The following DLG2 variants were observed in gnomAD, a reference collection of about 807,000 sequenced individuals.
The protein encoded by DLG2 is disks large homolog 2.
Under a neutral mutation model 132.5 loss-of-function variants are expected in DLG2, and 45 were observed. That is an observed-to-expected ratio of 0.34 (90% CI 0.27 to 0.44). The LOEUF (loss-of-function observed/expected upper bound fraction) is 0.44. Among genes scored for constraint, DLG2 ranks in the 20% least tolerant of loss-of-function variants. DLG2 has a pLI of 1.00. For synonymous variants in DLG2, 424 were observed against 419.6 expected (o/e 1.01, Z -0.13); for missense variants, 1,045 against 1,196.9 (o/e 0.87, Z 1.87).
At chr11:83,972,377 CTCTG>C (rs1199469012) in intron 12 of DLG2, among the ~76,000 whole-genome samples, 1 of 152,096 alleles carries the variant, frequency 6.6e-6, no homozygotes, top group Non-Finnish European at 1.5e-5. Flanking sequence ...GTTGAAAAGA[CTCTG>C]TATGATATAA....
chr11:83,808,900 T>G, intron 17 of DLG2, among the ~76,000 whole-genome samples: 1 of 152,090 alleles, frequency 6.6e-6, no homozygotes, highest in East Asian at 1.9e-4. Flanking sequence ...CCTCTCCTGA[T>G]CTGTCTCTCT....
intron 3 of DLG2, among the ~76,000 whole-genome samples, chr11:85,547,056 C>A (rs1406833219): frequency 6.6e-6 from 1 of 152,016 alleles, no homozygotes; most frequent in East Asian, 1.9e-4. Context: ...ATGATGCCAG[C>A]TGGTTATTTT....
intron 18 of DLG2, among the ~76,000 whole-genome samples, chr11:83,785,638 GA>G (rs1273280177): frequency 1.3e-5 from 2 of 152,230 alleles, no homozygotes; most frequent in Non-Finnish European, 2.9e-5. Context: ...ATGCATGGAA[GA>G]AAATATTTTC....
chr11:83,630,423 C>T (rs1344701852), intron 19 of DLG2, among the ~76,000 whole-genome samples: 1 of 152,086 alleles, frequency 6.6e-6, no homozygotes, highest in Non-Finnish European at 1.5e-5. Flanking sequence ...ACTAAGTCAG[C>T]TAAATTGTTT....
chr11:84,762,222 C>T (rs2067727928), intron 6 of DLG2: 1 of 152,120 alleles, frequency 6.6e-6, no homozygotes, highest in Non-Finnish European at 1.5e-5. Context: ...TTTTATTACA[C>T]TTGCCAACTG....
At chr11:85,072,340 C>T (rs1221038409) in intron 6 of DLG2, among the ~76,000 whole-genome samples, 1 of 151,654 alleles carries the variant, frequency 6.6e-6, no homozygotes, top group Non-Finnish European at 1.5e-5. Context: ...TCTTTGAGTC[C>T]TACTGTGAAA....
chr11:84,145,615 T>C (rs184722568), intron 9 of DLG2, among the ~76,000 whole-genome samples: 22 of 152,264 alleles, frequency 1.4e-4, no homozygotes, highest in East Asian at 1.2e-3. Context: ...TGGGGTAATA[T>C]TGTAACAAGT....
chr11:85,145,490 C>T (rs2076780718), intron 5 of DLG2, among the ~76,000 whole-genome samples: 1 of 152,092 alleles, frequency 6.6e-6, no homozygotes, highest in South Asian at 2.1e-4. Context: ...TTTTCTAGAT[C>T]TCATAGGTTT....
chr11:84,072,540 G>A (rs1021510697), intron 10 of DLG2, among the ~76,000 whole-genome samples: 3 of 152,174 alleles, frequency 2.0e-5, no homozygotes, highest in African/African-American at 7.2e-5. Context: ...GAGCAACTGA[G>A]GCAGCTGAGA....
chr11:85,275,107 G>C (rs1239729027), intron 4 of DLG2, among the ~76,000 whole-genome samples: 3 of 152,012 alleles, frequency 2.0e-5, no homozygotes, highest in Non-Finnish European at 4.4e-5. Flanking sequence ...TATGCTTTTT[G>C]TCAATGATTT....
At chr11:83,993,512 T>C (rs1317927152) in intron 11 of DLG2, among the ~76,000 whole-genome samples, 1 of 152,144 alleles carries the variant, frequency 6.6e-6, no homozygotes, top group Non-Finnish European at 1.5e-5. Flanking sequence ...ATTTCTTTAC[T>C]CAAAGAACTA....
In DLG2 at chr11:84,650,894, T is replaced by A. The variant is rs1210591386; in HGVS notation, c.358-116163A>T. Among the ~76,000 whole-genome samples the A allele has an allele frequency of 2.1e-5, 3 of 146,260 alleles. No homozygotes were observed. The East Asian group carries it at 5.9e-4, about 29-fold the overall frequency. On this transcript the variant is annotated intron_variant, in intron 6 of 27. Transcript: ENST00000376104. The stretch of plus-strand genomic sequence containing the variant: ...GTGTGTATATATATATATATATATA[T>A]ATATATAAAATTTTTGTGCATTTGT...
At chr11:84,542,530 C>CA (rs2099377646) in intron 6 of DLG2, among the ~76,000 whole-genome samples, 1 of 152,190 alleles carries the variant, frequency 6.6e-6, no homozygotes, top group Non-Finnish European at 1.5e-5. Context: ...TAGAATGCTA[C>CA]ATACATAGTG....
chr11:84,026,823 G>A (rs1453708018), intron 11 of DLG2, among the ~76,000 whole-genome samples: 3 of 152,032 alleles, frequency 2.0e-5, no homozygotes, highest in African/African-American at 7.2e-5. Context: ...TTAAATTTGT[G>A]AACTTGGGAA....
intron 4 of DLG2, among the ~76,000 whole-genome samples, chr11:85,183,601 C>T (rs1175103422): frequency 6.6e-6 from 1 of 151,878 alleles, no homozygotes; most frequent in East Asian, 1.9e-4. Flanking sequence ...ACCATTTTAA[C>T]ATAAACACTA....
intron 3 of DLG2, among the ~76,000 whole-genome samples, chr11:85,550,907 G>A (rs954508835): frequency 3.9e-5 from 6 of 152,162 alleles, no homozygotes; most frequent in Non-Finnish European, 8.8e-5. Flanking sequence ...AAGGAAAGAA[G>A]GAACAAGTTA....
intron 19 of DLG2, among the ~76,000 whole-genome samples, chr11:83,617,261 C>T (rs751272518): frequency 2.6e-5 from 4 of 152,144 alleles, no homozygotes; most frequent in African/African-American, 7.2e-5. Context: ...GAAATCTTTG[C>T]CACATTGCAT....
Position 85,374,672 on chromosome 11 carries a change from C to T in DLG2, c.41-89307G>A, listed in dbSNP as rs536187780. ...TCAAATATTTTTAAAATAAACTTTACTACAGCAATAAAAGAGGGTACTGGC... is the reference window on the plus strand; with the variant it reads ...TCAAATATTTTTAAAATAAACTTTATTACAGCAATAAAAGAGGGTACTGGC... On this transcript the variant is annotated intron_variant, in intron 3 of 27. Transcript: ENST00000376104. Among the ~76,000 whole-genome samples, 6 of 152,244 alleles carry T rather than the reference C, an allele frequency of 3.9e-5. No individual in the cohort carries two copies. In the East Asian group the frequency reaches 1.2e-3, roughly 29 times the overall value.
At chr11:83,917,666 G>C (rs1026517768) in intron 15 of DLG2, among the ~76,000 whole-genome samples, 2 of 152,106 alleles carry the variant, frequency 1.3e-5, no homozygotes, top group African/African-American at 4.8e-5. Flanking sequence ...ATATCCTTGA[G>C]CCTGAAGAAG....
Sources: gnomAD v4.1 joint callset for allele counts (sites outside exome capture counted in the v4.1 genomes callset) on GRCh38, gnomAD v4.1.1 for gene constraint, MANE v1.5 for transcripts, NCBI Gene and HGNC (gene_info 2026-07-23, HGNC 2026-07-21) for gene names.